ADGRF3: variants seen among roughly 807,000 people sequenced by gnomAD.
The protein encoded by ADGRF3 is adhesion G protein-coupled receptor F3.
Under a neutral mutation model 93.2 loss-of-function variants are expected in ADGRF3, and 85 were observed. The ratio of observed to expected loss-of-function variants is 0.91; its 90% CI spans 0.77 to 1.09. The LOEUF (loss-of-function observed/expected upper bound fraction) is 1.09, where lower values mean the gene tolerates loss of function less well. ADGRF3 is among the 50% of genes least tolerant of loss of function. The pLI is 0.00. For synonymous variants in ADGRF3, 534 were observed against 532.5 expected (o/e 1.00, Z -0.04); for missense variants, 1,125 against 1,246.2 (o/e 0.90, Z 1.46).
intron 1 of ADGRF3, among the ~76,000 whole-genome samples, chr2:26,319,434 A>C (rs1297668928): frequency 6.6e-6 from 1 of 152,152 alleles, no homozygotes; most frequent in Non-Finnish European, 1.5e-5. Context: ...CAAACAGTCA[A>C]GGTTACAAAT....
chr2:26,334,882 A>C (rs989486631), intron 1 of ADGRF3, among the ~76,000 whole-genome samples: 5 of 152,204 alleles, frequency 3.3e-5, no homozygotes, highest in Admixed American at 1.3e-4. Flanking sequence ...ATGCCCACAA[A>C]TTAAAAACAC....
intron 1 of ADGRF3, among the ~76,000 whole-genome samples, chr2:26,337,576 A>G (rs151209083): frequency 6.6e-6 from 1 of 152,346 alleles, no homozygotes; most frequent in East Asian, 1.9e-4. Context: ...AACTTGTTAC[A>G]TGGCAAAACA....
chr2:26,313,887 C>A lies in ADGRF3; in HGVS notation c.945G>T (p.Glu315Asp), dbSNP rs1259817625. ...GEGSKASSFN[E>D]SGSQCFVLAV... Reference sequence around the variant, plus strand: ...CCAGCACAAAGCACTGAGAGCCTGACTCGTTGAAGGAGGAAGCTGAAGGCA... The same window carrying A: ...CCAGCACAAAGCACTGAGAGCCTGAATCGTTGAAGGAGGAAGCTGAAGGCA... Residue 315 changes from glutamate (E) to aspartate (D), a missense_variant, in exon 7 of 14, where the codon GAG becomes GAT. Physicochemically the swap from Glu to Asp is conservative, Grantham distance 45 (BLOSUM62 2). Coordinates refer to ENST00000651242, the MANE Select transcript of ADGRF3 (RefSeq NM_001321971.2). 1 of 1,613,892 alleles carries A rather than the reference C, an allele frequency of 6.2e-7. No individual in the cohort carries two copies. Among genetic ancestry groups the A allele is most frequent in the Non-Finnish European group, 8.5e-7 (1 of 1,179,916 alleles).
chr2:26,309,057 C>T lies in ADGRF3; in HGVS notation c.*29G>A. The T allele has an allele frequency of 4.3e-6, 7 of 1,613,990 alleles. No individual in the cohort carries two copies. Among genetic ancestry groups the T allele is most frequent in the Non-Finnish European group, 5.9e-6 (7 of 1,179,892 alleles). On this transcript the variant is annotated 3_prime_UTR_variant, in exon 14 of 14. Transcript: ENST00000651242. ...GGGTTCAAGCACACAGCCTCAACTCCCTTGCAGGAACATGGGTCCGTGTGT... is the reference window on the plus strand; with the variant it reads ...GGGTTCAAGCACACAGCCTCAACTCTCTTGCAGGAACATGGGTCCGTGTGT...
chr2:26,336,740 A>C (rs1257075641), intron 1 of ADGRF3, among the ~76,000 whole-genome samples: 3 of 150,724 alleles, frequency 2.0e-5, no homozygotes, highest in African/African-American at 7.3e-5. Context: ...AAAAAAAAAA[A>C]AAAAAAAAAA....
Position 26,312,847 on chromosome 2 carries a change from C to A in ADGRF3, c.1449+96G>T, listed in dbSNP as rs1674304055. 24 of 1,185,290 alleles carry A rather than the reference C, an allele frequency of 2.0e-5. 1 individual carries two copies. The South Asian group carries it at 3.4e-4, about 17-fold the overall frequency. The allele number at this position is 1,185,290 out of a possible 1,614,324, so 73.4% of individuals were successfully genotyped here. A position where few individuals can be genotyped will look rare whatever the true frequency, so the allele number is the denominator to read the frequency against. The stretch of plus-strand genomic sequence containing the variant: ...TCTGGAAAGGTCTGCTGCCCAACAG[C>A]CCATGGTGACATCAGAGGGACAGAA... On this transcript the variant is annotated intron_variant, in intron 9 of 13. Coordinates refer to ENST00000651242, the MANE Select transcript of ADGRF3 (RefSeq NM_001321971.2).
chr2:26,312,915 G>A, intron 9 of ADGRF3, 28 bp downstream of exon 9: 2 of 1,579,244 alleles, frequency 1.3e-6, no homozygotes, highest in South Asian at 2.3e-5. Flanking sequence ...CTGCCCAGCT[G>A]GCCCCCACTG....
intron 1 of ADGRF3, among the ~76,000 whole-genome samples, chr2:26,319,871 A>C (rs552344667): frequency 1.8e-4 from 27 of 152,296 alleles, no homozygotes; most frequent in African/African-American, 6.5e-4. Context: ...CTGAGATTAC[A>C]CATGTGCACC....
At chr2:26,336,752 A>G (rs1274610694) in intron 1 of ADGRF3, among the ~76,000 whole-genome samples, 1 of 133,592 alleles carries the variant, frequency 7.5e-6, no homozygotes, top group Non-Finnish European at 1.6e-5. Context: ...AAAAAAAAAA[A>G]GCAATCAAGG....
intron 12 of ADGRF3, 25 bp from the exon 13 acceptor site, chr2:26,309,606 T>C (rs763390276): frequency 1.1e-5 from 18 of 1,609,888 alleles, no homozygotes; most frequent in Middle Eastern, 1.7e-4. Context: ...GAAGGCCCAA[T>C]TGCAGGGCAG....
At chr2:26,323,414 C>T (rs1449396318) in intron 1 of ADGRF3, among the ~76,000 whole-genome samples, 1 of 152,160 alleles carries the variant, frequency 6.6e-6, no homozygotes, top group Non-Finnish European at 1.5e-5. Flanking sequence ...TAGGTTGCTC[C>T]TGGACACCTC....
intron 1 of ADGRF3, among the ~76,000 whole-genome samples, chr2:26,321,983 AAAG>A (rs2147896095): frequency 6.8e-6 from 1 of 148,068 alleles, no homozygotes; most frequent in South Asian, 2.1e-4. Context: ...AAAAAAAAAA[AAAG>A]CAAGCTGATA....
At chr2:26,313,962 C>A in intron 6 of ADGRF3, 59 bp from the exon 7 acceptor site, 1 of 1,591,884 alleles carries the variant, frequency 6.3e-7, no homozygotes, top group South Asian at 1.1e-5. Flanking sequence ...TGGAACCCAG[C>A]AGGCTCTGAC....
intron 1 of ADGRF3, among the ~76,000 whole-genome samples, chr2:26,331,268 T>C (rs1310860615): frequency 6.6e-6 from 1 of 152,186 alleles, no homozygotes; most frequent in Non-Finnish European, 1.5e-5. Flanking sequence ...TAAAAAAGTA[T>C]GTGTGGCCAG....
Position 26,310,814 on chromosome 2 carries a change from T to C in ADGRF3, c.2710A>G (p.Ile904Val), listed in dbSNP as rs200605481. 6 of 1,613,798 alleles carry C rather than the reference T, an allele frequency of 3.7e-6. No individual in the cohort carries two copies. The African/African-American group carries it at 6.7e-5, about 18-fold the overall frequency. The change falls in exon 10 of 14, where the codon ATC becomes GTC. Residue 904 changes from isoleucine (I) to valine (V), a missense_variant. Physicochemically the swap from Ile to Val is conservative, Grantham distance 29 (BLOSUM62 3). Coordinates refer to ENST00000651242, the MANE Select transcript of ADGRF3 (RefSeq NM_001321971.2). Reference protein sequence around the residue: ...AEKRQALLGVIKALLILTPIF... With the variant: ...AEKRQALLGVVKALLILTPIF... Reference sequence around the variant, plus strand: ...GGTGTAAGAATGAGCAGGGCTTTGATCACCCCCAGCAGAGCTTGGCGCTTC... The same window carrying C: ...GGTGTAAGAATGAGCAGGGCTTTGACCACCCCCAGCAGAGCTTGGCGCTTC...
chr2:26,321,336 T>C (rs1184723336), intron 1 of ADGRF3, among the ~76,000 whole-genome samples: 2 of 152,086 alleles, frequency 1.3e-5, no homozygotes, highest in Admixed American at 1.3e-4. Flanking sequence ...GTGCTGGAGG[T>C]AGGATGCTAT....
intron 1 of ADGRF3, among the ~76,000 whole-genome samples, chr2:26,318,329 C>T (rs569785844): frequency 3.9e-5 from 6 of 152,260 alleles, no homozygotes; most frequent in South Asian, 2.1e-4. Flanking sequence ...CACAATGGCA[C>T]GTGCCTTTAG....
intron 4 of ADGRF3, 42 bp downstream of exon 4, chr2:26,316,233 T>C (rs1215974749): frequency 6.5e-7 from 1 of 1,528,736 alleles, no homozygotes; most frequent in South Asian, 1.2e-5. Context: ...AACATTTATT[T>C]CACTTAAGGC....
At chr2:26,313,307 C>A in intron 8 of ADGRF3, 70 bp downstream of exon 8, 1 of 1,455,330 alleles carries the variant, frequency 6.9e-7, no homozygotes, top group South Asian at 1.4e-5. Context: ...AAAGGGTCTG[C>A]AAGCTGGGTC....
Sources: allele counts gnomAD v4.1 joint callset (sites outside exome capture counted in the v4.1 genomes callset), GRCh38; gene constraint gnomAD v4.1.1; transcripts MANE v1.5; gene names NCBI Gene and HGNC (gene_info 2026-07-23, HGNC 2026-07-21).